Variants in FAM83D observed in about 807,000 individuals in gnomAD.
FAM83D encodes the protein protein FAM83D.
FAM83D carries 26 observed loss-of-function variants against 25.4 expected under a neutral mutation model. The ratio of observed to expected loss-of-function variants is 1.02; its 90% CI spans 0.75 to 1.42. The LOEUF (loss-of-function observed/expected upper bound fraction) is 1.42. FAM83D is among the 40% of genes most tolerant of loss of function. FAM83D has a pLI of 0.00. For synonymous variants in FAM83D, 310 were observed against 318.5 expected (o/e 0.97, Z 0.28); for missense variants, 740 against 758.1 (o/e 0.98, Z 0.28).
chr20:38,938,108 G>A lies in FAM83D; in HGVS notation c.484-3851G>A, dbSNP rs80018928. Among the ~76,000 whole-genome samples the A allele has an allele frequency of 7.1e-3, 1,082 of 152,282 alleles. 11 individuals carry two copies. Among genetic ancestry groups the A allele is most frequent in the African/African-American group, 0.02 (813 of 41,566 alleles). On this transcript the variant is annotated intron_variant, in intron 1 of 3. Transcript: ENST00000619850. ...TTAAGGACTAGTGTTCAAATCCAAC[G>A]CACAGGAAAGGGTGAGGCTTTAAAA...
intron 1 of FAM83D, among the ~76,000 whole-genome samples, chr20:38,929,176 T>C (rs1368407275): frequency 7.5e-6 from 1 of 134,130 alleles, no homozygotes; most frequent in African/African-American, 2.8e-5. Context: ...AGACTCCCTC[T>C]CGGAAAAAAA....
Position 38,951,875 on chromosome 20 carries a change from A to G in FAM83D, c.1113A>G (p.Glu371=). The change falls in exon 4 of 4, where the codon GAA becomes GAG. Residue 371 remains glutamate, a synonymous_variant. Transcript: ENST00000619850. The stretch of plus-strand genomic sequence containing the variant: ...GTGAGTCCTCTACTGTTAGTGAGGA[A>G]GACTACTTCAGCAGCCACAGGGACG... The part of the protein sequence containing the change: ...HDCESSTVSE[E]DYFSSHRDEL... The G allele has an allele frequency of 6.2e-7, 1 of 1,614,168 alleles. No individual in the cohort carries two copies. The highest frequency in any genetic ancestry group is 1.1e-5 in the South Asian group (1 of 91,088).
chr20:38,936,791 A>G (rs189427163), intron 1 of FAM83D, among the ~76,000 whole-genome samples: 1 of 152,116 alleles, frequency 6.6e-6, no homozygotes, highest in Non-Finnish European at 1.5e-5. Flanking sequence ...TGAAATTTCT[A>G]GATAGCACTT....
intron 1 of FAM83D, among the ~76,000 whole-genome samples, chr20:38,935,429 A>G (rs1454182259): frequency 3.9e-5 from 6 of 151,980 alleles, no homozygotes; most frequent in Non-Finnish European, 8.8e-5. Context: ...TAATACTTAA[A>G]TTGTTTTATT....
intron 2 of FAM83D, among the ~76,000 whole-genome samples, chr20:38,943,098 C>T (rs927220255): frequency 5.3e-5 from 8 of 151,508 alleles, no homozygotes; most frequent in Non-Finnish European, 7.4e-5. Context: ...AATCTAGGCT[C>T]ACTGCAACAT....
In FAM83D at chr20:38,951,931, C is replaced by T. The variant is rs1291451338; in HGVS notation, c.1169C>T (p.Ala390Val). 6.2e-7 allele frequency: 1 copy of T among 1,614,000 alleles called. No homozygotes were observed. The highest frequency in any genetic ancestry group is 1.3e-5 in the African/African-American group (1 of 74,926). The change falls in exon 4 of 4, where the codon GCC becomes GTC. Residue 390 changes from alanine to valine, a missense_variant. Ala to Val is a moderately conservative substitution (Grantham distance 64). This residue lies in a region of FAM83D where 375 missense variants were observed against 403.2 expected (regional missense o/e 0.93). Coordinates refer to ENST00000619850, the MANE Select transcript of FAM83D (RefSeq NM_030919.3). Reference protein sequence around the residue: ...ELQSRKAIDAATQTEPGEEMP... With the variant: ...ELQSRKAIDAVTQTEPGEEMP... Reference sequence around the variant, plus strand: ...CAGAGCAGAAAGGCCATTGACGCTGCCACTCAAACAGAGCCAGGAGAGGAG... The same window carrying T: ...CAGAGCAGAAAGGCCATTGACGCTGTCACTCAAACAGAGCCAGGAGAGGAG...
In FAM83D at chr20:38,942,082, C is replaced by T. The variant is rs3752293; in HGVS notation, c.607C>T (p.Leu203=). The T allele has an allele frequency of 0.32, 523,808 of 1,613,538 alleles. 88,415 individuals carry two copies. Among genetic ancestry groups the T allele is most frequent in the African/African-American group, 0.53 (39,985 of 74,908 alleles). The change falls in exon 2 of 4, where the codon CTG becomes TTG. Residue 203 remains leucine (L), a synonymous_variant. Coordinates refer to ENST00000619850, the MANE Select transcript of FAM83D (RefSeq NM_030919.3). ...LLDQALLSQF[L]DMCMDLKVHP... ...GGACCAGGCTCTCCTCTCTCAATTT[C>T]TGGATATGTGCATGGATCTGAAAGT...
intron 1 of FAM83D, among the ~76,000 whole-genome samples, chr20:38,933,650 G>A (rs140416493): frequency 1.1e-4 from 17 of 152,238 alleles, no homozygotes; most frequent in African/African-American, 3.1e-4. Context: ...TAAAAAATAC[G>A]TAGCAAAATT....
At chr20:38,933,864 C>CTT (rs113072441) in intron 1 of FAM83D, among the ~76,000 whole-genome samples, 44 of 144,336 alleles carry the variant, frequency 3.0e-4, no homozygotes, top group African/African-American at 1.0e-3. Flanking sequence ...TTCTTTCTTT[C>CTT]TTTTTTTTTT....
chr20:38,952,513 A>C lies in FAM83D; in HGVS notation c.1751A>C (p.Tyr584Ser). 6.2e-7 allele frequency: 1 copy of C among 1,611,664 alleles called. No homozygotes were observed. Among genetic ancestry groups the C allele is most frequent in the Non-Finnish European group, 8.5e-7 (1 of 1,178,352 alleles). ...AGAGATGTAGCACTTTATCCTTCCT[A>C]TCAGTAACTGCTCCGTGTTCAGACT... ...AVRDVALYPS[Y>S]Q The change falls in exon 4 of 4, where the codon TAT becomes TCT. Residue 584 changes from tyrosine (Y) to serine (S), a missense_variant. By Grantham distance (144) the Tyr-to-Ser change is moderately radical. Transcript: ENST00000619850.
intron 3 of FAM83D, among the ~76,000 whole-genome samples, chr20:38,949,164 CTTT>C (rs11428579): frequency 7.1e-6 from 1 of 141,324 alleles, no homozygotes. Flanking sequence ...TGAAGGCTTT[CTTT>C]TTTTTTTTTT....
At chr20:38,950,573 A>G (rs1049578058) in intron 3 of FAM83D, among the ~76,000 whole-genome samples, 11 of 152,196 alleles carry the variant, frequency 7.2e-5, no homozygotes, top group African/African-American at 2.4e-4. Context: ...AGCAGCCACA[A>G]GGACAAGCTT....
chr20:38,939,307 C>T (rs2085691706), intron 1 of FAM83D, among the ~76,000 whole-genome samples: 1 of 152,160 alleles, frequency 6.6e-6, no homozygotes, highest in Admixed American at 6.5e-5. Context: ...CTATAGTGCC[C>T]ATAGTCCACC....
intron 1 of FAM83D, among the ~76,000 whole-genome samples, chr20:38,941,650 G>T (rs1387495364): frequency 6.6e-6 from 1 of 152,160 alleles, no homozygotes; most frequent in Admixed American, 6.5e-5. Flanking sequence ...AGGAATAGAA[G>T]GTGAATGGAG....
chr20:38,947,652 C>G (rs1251203451), intron 2 of FAM83D, among the ~76,000 whole-genome samples: 2 of 152,110 alleles, frequency 1.3e-5, no homozygotes, highest in Non-Finnish European at 2.9e-5. Context: ...AAGAAAAGAA[C>G]AGATGAGAAG....
intron 1 of FAM83D, among the ~76,000 whole-genome samples, chr20:38,932,012 G>A (rs2085660677): frequency 6.6e-6 from 1 of 152,250 alleles, no homozygotes; most frequent in African/African-American, 2.4e-5. Flanking sequence ...GAATCTGCCA[G>A]CCCCTTCCTT....
intron 1 of FAM83D, among the ~76,000 whole-genome samples, chr20:38,932,597 A>C (rs1041714856): frequency 6.6e-5 from 10 of 152,260 alleles, no homozygotes; most frequent in African/African-American, 9.6e-5. Flanking sequence ...CCACCCCTCC[A>C]CCACTGTATC....
intron 1 of FAM83D, among the ~76,000 whole-genome samples, chr20:38,930,874 G>A (rs1451277000): frequency 2.0e-5 from 3 of 152,192 alleles, no homozygotes; most frequent in African/African-American, 4.8e-5. Context: ...CTGACCTCGC[G>A]ATCTGCCTGC....
chr20:38,927,706 C>T (rs1012670891), intron 1 of FAM83D, among the ~76,000 whole-genome samples: 1 of 151,982 alleles, frequency 6.6e-6, no homozygotes, highest in African/African-American at 2.4e-5. Context: ...TCCATGTTGG[C>T]CAAGCTGGTC....
Sources: gnomAD v4.1 joint callset for allele counts (sites outside exome capture counted in the v4.1 genomes callset) on GRCh38, gnomAD v4.1.1 for gene constraint, gnomAD v4.1.1 regional missense constraint, MANE v1.5 for transcripts, NCBI Gene and HGNC (gene_info 2026-07-23, HGNC 2026-07-21) for gene names.